DYNC1I1: variants seen among roughly 807,000 people sequenced by gnomAD.
DYNC1I1 encodes the protein cytoplasmic dynein 1 intermediate chain 1.
Under a neutral mutation model 86.6 loss-of-function variants are expected in DYNC1I1, and 43 were observed. That is an observed-to-expected ratio of 0.50 (90% CI 0.39 to 0.64). The LOEUF is 0.64. Ranked by LOEUF, DYNC1I1 falls within the 30% of genes least tolerant of loss-of-function variation. The pLI, the probability that DYNC1I1 is intolerant of heterozygous loss-of-function variation, is 0.00. For synonymous variants in DYNC1I1, 262 were observed against 283.7 expected, an observed-to-expected ratio of 0.92 and a Z score of 0.77; for missense variants, 604 against 788.8, an observed-to-expected ratio of 0.77 and a Z score of 2.81.
intron 6 of DYNC1I1, among the ~76,000 whole-genome samples, chr7:95,925,300 T>A (rs1791714987): frequency 6.6e-6 from 1 of 152,250 alleles, no homozygotes; most frequent in East Asian, 1.9e-4. Context: ...TCCCTTTTGA[T>A]GAAAATCATC....
chr7:96,085,760 A>G (rs527641798), intron 16 of DYNC1I1, among the ~76,000 whole-genome samples: 2 of 152,360 alleles, frequency 1.3e-5, no homozygotes. Flanking sequence ...TGAGATTCAA[A>G]ATTAAAAATG....
At chr7:95,903,470 CAGA>C (rs1339984394) in intron 6 of DYNC1I1, among the ~76,000 whole-genome samples, 2 of 152,100 alleles carry the variant, frequency 1.3e-5, no homozygotes, top group African/African-American at 4.8e-5. Context: ...GACTGGAACC[CAGA>C]AGAAGTAAAA....
intron 9 of DYNC1I1, among the ~76,000 whole-genome samples, chr7:95,987,756 C>CCACT (rs1289317666): frequency 1.3e-5 from 2 of 152,168 alleles, no homozygotes; most frequent in African/African-American, 4.8e-5. Context: ...CCAGACAGAG[C>CCACT]CACTATTCTA....
chr7:96,018,284 G>A (rs1223843285), intron 10 of DYNC1I1, among the ~76,000 whole-genome samples: 4 of 152,202 alleles, frequency 2.6e-5, no homozygotes, highest in African/African-American at 7.2e-5. Context: ...GCATTCAACC[G>A]ATGCAAGTTT....
chr7:96,087,162 C>A (rs769617738), intron 16 of DYNC1I1, among the ~76,000 whole-genome samples: 8 of 152,164 alleles, frequency 5.3e-5, no homozygotes, highest in Admixed American at 1.3e-4. Flanking sequence ...ACAGGGCCTA[C>A]ATCAATTCTC....
chr7:95,950,137 G>A (rs1422064093), intron 6 of DYNC1I1, among the ~76,000 whole-genome samples: 4 of 152,160 alleles, frequency 2.6e-5, no homozygotes, highest in Non-Finnish European at 5.9e-5. Context: ...ATAGAAAGAA[G>A]TGTCCCATAA....
chr7:96,100,086 C>G (rs560121196), downstream of DYNC1I1, among the ~76,000 whole-genome samples: 2 of 152,292 alleles, frequency 1.3e-5, no homozygotes, highest in East Asian at 3.9e-4. Flanking sequence ...GGTTGAATGA[C>G]AGTTATGATG....
chr7:95,898,843 A>G (rs566643674), intron 6 of DYNC1I1, among the ~76,000 whole-genome samples: 6 of 152,290 alleles, frequency 3.9e-5, no homozygotes, highest in Middle Eastern at 6.8e-3. Flanking sequence ...GACAATAAGG[A>G]CTATCTTTAC....
chr7:95,991,608 A>G (rs879184955), intron 9 of DYNC1I1, among the ~76,000 whole-genome samples: 1 of 152,110 alleles, frequency 6.6e-6, no homozygotes, highest in Admixed American at 6.6e-5. Flanking sequence ...AGCTGGGTCA[A>G]GTATCAACCC....
At chr7:95,916,728 C>A (rs319330) in intron 6 of DYNC1I1, among the ~76,000 whole-genome samples, 2,880 of 152,212 alleles carry the variant, frequency 0.019, 89 homozygotes, top group African/African-American at 0.066. Context: ...GCCGCTTTGT[C>A]CTGTCTTGGA....
intron 6 of DYNC1I1, among the ~76,000 whole-genome samples, chr7:95,878,078 A>G (rs1196120009): frequency 6.6e-6 from 1 of 152,164 alleles, no homozygotes; most frequent in Admixed American, 6.5e-5. Context: ...GCAAATAACA[A>G]TAACAAACCT....
intron 4 of DYNC1I1, chr7:95,818,865 G>A (rs1344108494): frequency 4.5e-6 from 1 of 223,184 alleles, no homozygotes; most frequent in Non-Finnish European, 8.6e-6. Context: ...TTTCAATCAA[G>A]TGTATTTTTA....
chr7:95,832,385 T>C (rs906334213), intron 5 of DYNC1I1, among the ~76,000 whole-genome samples: 1 of 151,932 alleles, frequency 6.6e-6, no homozygotes, highest in Non-Finnish European at 1.5e-5. Flanking sequence ...ACATTTGGGT[T>C]GGTTCCAAGT....
At chr7:95,805,917 A>G (rs1794691915) in intron 2 of DYNC1I1, among the ~76,000 whole-genome samples, 1 of 152,222 alleles carries the variant, frequency 6.6e-6, no homozygotes, top group South Asian at 2.1e-4. Flanking sequence ...ATTTACAACA[A>G]TTATTATTTT....
intron 6 of DYNC1I1, among the ~76,000 whole-genome samples, chr7:95,958,483 C>A (rs1320278106): frequency 6.6e-6 from 1 of 151,822 alleles, no homozygotes; most frequent in Non-Finnish European, 1.5e-5. Flanking sequence ...ATGGCTTGAG[C>A]CCAGGAGATC....
chr7:96,057,900 A>G (rs1789630639), intron 14 of DYNC1I1, among the ~76,000 whole-genome samples: 1 of 152,146 alleles, frequency 6.6e-6, no homozygotes, highest in Non-Finnish European at 1.5e-5. Flanking sequence ...TTGTGAATTT[A>G]TTTCCATCCT....
chr7:95,848,844 A>G (rs1201276451), intron 5 of DYNC1I1, among the ~76,000 whole-genome samples: 3 of 152,020 alleles, frequency 2.0e-5, no homozygotes, highest in Admixed American at 2.0e-4. Context: ...ATTACCACCA[A>G]CTGTGTGCAA....
At chr7:96,017,886 G>T (rs1035324309) in intron 10 of DYNC1I1, among the ~76,000 whole-genome samples, 2 of 152,168 alleles carry the variant, frequency 1.3e-5, no homozygotes, top group African/African-American at 4.8e-5. Flanking sequence ...AGCTTGTCAG[G>T]AGTGATCCAA....
chr7:95,935,878 G>C (rs904204373), intron 6 of DYNC1I1, among the ~76,000 whole-genome samples: 1 of 151,992 alleles, frequency 6.6e-6, no homozygotes, highest in Admixed American at 6.6e-5. Context: ...ACAATTATCA[G>C]GGAAATGAAA....
Sources: allele counts gnomAD v4.1 joint callset (sites outside exome capture counted in the v4.1 genomes callset), GRCh38; gene constraint gnomAD v4.1.1; transcripts MANE v1.5; gene names NCBI Gene and HGNC (gene_info 2026-07-23, HGNC 2026-07-21).